SPIRE2: variants seen among roughly 807,000 people sequenced by gnomAD.
SPIRE2 encodes spire type actin nucleation factor 2, also known as protein spire homolog 2.
In SPIRE2, 76 loss-of-function variants were observed where a neutral mutation model predicts 80.7. That is an observed-to-expected ratio of 0.94 (90% CI 0.78 to 1.14). The LOEUF (loss-of-function observed/expected upper bound fraction) is 1.14, where lower values mean the gene tolerates loss of function less well. SPIRE2 is among the 50% of genes most tolerant of loss of function. The pLI is 0.00. For missense variants in SPIRE2, 1,196 were observed against 1,015.3 expected, an observed-to-expected ratio of 1.18 and a Z score of -2.42; for synonymous variants, 535 against 432.6, an observed-to-expected ratio of 1.24 and a Z score of -2.94.
rs551470292 is a variant in SPIRE2 at position 89,848,503 on chromosome 16, G to A, written c.289-1801G>A. Among the ~76,000 whole-genome samples the A allele has an allele frequency of 7.0e-5, 10 of 142,708 alleles. No individual in the cohort carries two copies. The East Asian group carries it at 1.0e-3, about 15-fold the overall frequency. The allele number at this position is 142,708 out of a possible 152,430, so 93.6% of individuals were successfully genotyped here. A position where few individuals can be genotyped will look rare whatever the true frequency, so the allele number is the denominator to read the frequency against. On this transcript the variant is annotated intron_variant, in intron 2 of 14. Coordinates refer to ENST00000378247, the MANE Select transcript of SPIRE2 (RefSeq NM_032451.2). ...TCTGCGGCGTTTCTGCAGGACAGAC[G>A]AGGCAGGTTCCAGGGCCTTCTGTGG... is the stretch of plus-strand genomic sequence containing the variant.
chr16:89,843,299 A>C (rs1209376681), intron 1 of SPIRE2, among the ~76,000 whole-genome samples: 1 of 152,140 alleles, frequency 6.6e-6, no homozygotes, highest in Non-Finnish European at 1.5e-5. Context: ...GTGAAACGGG[A>C]AGTGGAGCAA....
chr16:89,861,528 G>A (rs73270348), intron 10 of SPIRE2, among the ~76,000 whole-genome samples: 6,845 of 152,310 alleles, frequency 0.045, 558 homozygotes, highest in African/African-American at 0.16. Flanking sequence ...GGCTTGCCCC[G>A]TTAGCCTAGG....
Position 89,867,194 on chromosome 16 carries a change from C to T in SPIRE2, c.1779-995C>T, listed in dbSNP as rs149085766. The stretch of plus-strand genomic sequence containing the variant: ...GAGTCTCTCTCTGTCACCCAGGCTG[C>T]GGTGCAGTGCCATGATCTCGGCTCA... On this transcript the variant is annotated intron_variant, in intron 12 of 14. Transcript: ENST00000378247. Among the ~76,000 whole-genome samples the T allele has an allele frequency of 8.8e-3, 1,328 of 151,434 alleles. 17 individuals are homozygous for T. Among genetic ancestry groups the T allele is most frequent in the African/African-American group, 0.031 (1,261 of 41,234 alleles).
chr16:89,869,053 A>AAAAAAAAAAAATATATATAT, intron 13 of SPIRE2, among the ~76,000 whole-genome samples: 2 of 24,036 alleles, frequency 8.3e-5, no homozygotes, highest in East Asian at 3.1e-3. Flanking sequence ...AAAAAAAAAA[A>AAAAAAAAAAAATATATATAT]ATATATATAT....
intron 1 of SPIRE2, among the ~76,000 whole-genome samples, chr16:89,837,816 C>G (rs1280486541): frequency 2.0e-5 from 3 of 152,140 alleles, no homozygotes; most frequent in Admixed American, 2.0e-4. Flanking sequence ...TTGGTCTCAG[C>G]CAGGGATCAG....
intron 1 of SPIRE2, among the ~76,000 whole-genome samples, chr16:89,840,046 G>C (rs1398563745): frequency 6.6e-6 from 1 of 152,190 alleles, no homozygotes; most frequent in Non-Finnish European, 1.5e-5. Flanking sequence ...CCACAGGTTG[G>C]TCAGGATCTG....
At chr16:89,858,281 C>T (rs2041710648) in intron 7 of SPIRE2, 57 bp from the exon 8 acceptor site, 3 of 1,482,856 alleles carry the variant, frequency 2.0e-6, no homozygotes, top group Non-Finnish European at 2.7e-6. Flanking sequence ...GCTGTCAGCT[C>T]CTGCCTGCTG....
In SPIRE2 at chr16:89,869,197, A is replaced by G. The variant is rs2041817507; in HGVS notation, c.1807-370A>G. Among the ~76,000 whole-genome samples, 4 of 150,588 alleles carry G rather than the reference A, an allele frequency of 2.7e-5. No individual in the cohort carries two copies. In the South Asian group the frequency reaches 8.4e-4, roughly 32 times the overall value. ...CAATGGAAAAACTTCCACCTCATCCATGTTAAATGTTGATTATGTGCAGGG... is the reference window on the plus strand; with the variant it reads ...CAATGGAAAAACTTCCACCTCATCCGTGTTAAATGTTGATTATGTGCAGGG... On this transcript the variant is annotated intron_variant, in intron 13 of 14. Coordinates refer to ENST00000378247, the MANE Select transcript of SPIRE2 (RefSeq NM_032451.2).
rs1458272221 is a variant in SPIRE2, at chr16:89,859,345, C to T, written c.1453C>T (p.Arg485Ter). Residue 485 changes from arginine to a stop codon, truncating the protein, a stop_gained, in exon 9 of 15, where the codon CGA becomes TGA. Transcript: ENST00000378247. LOFTEE classifies it high-confidence loss of function. ...TGCGCATGTGTGGAGGCCCGGCTCC[C>T]GAGACCAGGGCAAGTGCTGCTTCTC... ...GSAHVWRPGSRDQGTCPASVS... is the reference protein window; with the variant it reads ...GSAHVWRPGS 7 of 1,564,994 alleles carry T rather than the reference C, an allele frequency of 4.5e-6. No homozygotes were observed. Among genetic ancestry groups the T allele is most frequent in the Non-Finnish European group, 6.0e-6 (7 of 1,160,226 alleles).
At chr16:89,835,402 C>G (rs1349462471) in intron 1 of SPIRE2, among the ~76,000 whole-genome samples, 7 of 152,090 alleles carry the variant, frequency 4.6e-5, no homozygotes, top group African/African-American at 1.7e-4. Flanking sequence ...CCAGGCCCTC[C>G]TACACCGACT....
chr16:89,850,576 G>A lies in SPIRE2; in HGVS notation c.561G>A (p.Ala187=), dbSNP rs773614474. 1.5e-5 allele frequency: 23 copies of A among 1,516,742 alleles called. No individual in the cohort carries two copies. The highest frequency in any genetic ancestry group is 1.8e-5 in the Non-Finnish European group (21 of 1,137,342). 94.0% of individuals were successfully genotyped at this position (1,516,742 alleles called of 1,614,324 possible). ...ARLTDPRGAQ[A]HYQAVCRALF... ...TGACCGACCCCCGGGGCGCACAGGC[G>A]CATTACCAGGCCGTGTGCCGCGCGC... The change falls in exon 3 of 15, where the codon GCG becomes GCA. Residue 187 remains alanine (A), a synonymous_variant. Coordinates refer to ENST00000378247, the MANE Select transcript of SPIRE2 (RefSeq NM_032451.2).
intron 12 of SPIRE2, among the ~76,000 whole-genome samples, chr16:89,864,671 A>C (rs2041773814): frequency 6.6e-6 from 1 of 152,230 alleles, no homozygotes; most frequent in Non-Finnish European, 1.5e-5. Context: ...GAATGCACAC[A>C]AAGGACTCGC....
chr16:89,866,666 TG>T (rs2041792038), intron 12 of SPIRE2, among the ~76,000 whole-genome samples: 2 of 148,848 alleles, frequency 1.3e-5, no homozygotes, highest in African/African-American at 2.5e-5. Flanking sequence ...TGGAGTGCAG[TG>T]GCACAATCTC....
At chr16:89,833,151 A>G (rs370981047) in intron 1 of SPIRE2, among the ~76,000 whole-genome samples, 13 of 150,902 alleles carry the variant, frequency 8.6e-5, no homozygotes, top group African/African-American at 3.2e-4. Flanking sequence ...GCCACCGCAC[A>G]TGCCTTTTTG....
chr16:89,852,708 G>A (rs62639755), intron 3 of SPIRE2, among the ~76,000 whole-genome samples: 6,223 of 13,154 alleles, frequency 0.47, 2,238 homozygotes, highest in East Asian at 0.7. Context: ...CCCATGATCC[G>A]TCTTCCGTCC....
intron 3 of SPIRE2, among the ~76,000 whole-genome samples, chr16:89,851,010 G>A (rs1012768306): frequency 6.6e-6 from 1 of 152,032 alleles, no homozygotes; most frequent in East Asian, 1.9e-4. Flanking sequence ...TAGTAGAGAC[G>A]GGGTTTCACC....
At chr16:89,855,517 C>G in intron 5 of SPIRE2, 83 bp from the exon 6 acceptor site, 1 of 1,277,182 alleles carries the variant, frequency 7.8e-7, no homozygotes. Flanking sequence ...CCAGGCTGTC[C>G]TTGGGCTGAG....
intron 1 of SPIRE2, among the ~76,000 whole-genome samples, chr16:89,843,414 C>G (rs2041522202): frequency 6.6e-6 from 1 of 152,038 alleles, no homozygotes; most frequent in African/African-American, 2.4e-5. Context: ...ACCTGCATTT[C>G]CACTCGGACT....
intron 1 of SPIRE2, among the ~76,000 whole-genome samples, chr16:89,837,843 C>G (rs994898245): frequency 2.0e-5 from 3 of 152,194 alleles, no homozygotes; most frequent in African/African-American, 7.2e-5. Flanking sequence ...CCCTCTGAGA[C>G]GAGCACTGGC....
Sources: allele counts gnomAD v4.1 joint callset (sites outside exome capture counted in the v4.1 genomes callset), GRCh38; gene constraint gnomAD v4.1.1; transcripts MANE v1.5; gene names NCBI Gene and HGNC (gene_info 2026-07-23, HGNC 2026-07-21).